Variants in NUDCD1 observed in about 807,000 individuals in gnomAD.
NUDCD1 encodes the protein nudC domain-containing protein 1.
A neutral mutation model predicts 67.8 loss-of-function variants in NUDCD1; 60 were observed. That is an observed-to-expected ratio of 0.88 (90% CI 0.72 to 1.10). The LOEUF is 1.10. Among genes scored for constraint, NUDCD1 ranks in the 50% least tolerant of loss-of-function variants. The pLI is 0.00. For missense variants in NUDCD1, 643 were observed against 695.0 expected (o/e 0.93, Z 0.84); for synonymous variants, 244 against 230.8 (o/e 1.06, Z -0.52).
rs762789253 is a variant in NUDCD1 at position 109,271,102 on chromosome 8, G to C, written c.1202C>G (p.Pro401Arg). 5.8e-5 allele frequency: 92 copies of C among 1,578,388 alleles called. No homozygotes were observed. The highest frequency in any genetic ancestry group is 7.5e-5 in the Non-Finnish European group (87 of 1,158,566). Residue 401 changes from proline (P) to arginine (R), a missense_variant, in exon 8 of 10, where the codon CCT becomes CGT. By Grantham distance (103) the Pro-to-Arg change is moderately radical. Coordinates refer to ENST00000239690, the MANE Select transcript of NUDCD1 (RefSeq NM_032869.4). ...TTCTTCTAACTCTTGAGCATTGCAA[G>C]GTGGTTTTTCTTTATCTGGATTTGG... ...LNPNPDKEKP[P>R]CNAQELEECD...
intron 2 of NUDCD1, among the ~76,000 whole-genome samples, chr8:109,300,893 G>A (rs900443309): frequency 1.3e-5 from 2 of 152,208 alleles, no homozygotes; most frequent in African/African-American, 4.8e-5. Flanking sequence ...CAGATTAACA[G>A]CAGATTTGTC....
At chr8:109,299,418 T>C (rs1008268188) in intron 2 of NUDCD1, among the ~76,000 whole-genome samples, 5 of 152,146 alleles carry the variant, frequency 3.3e-5, no homozygotes, top group African/African-American at 4.8e-5. Context: ...CAAAGGCATG[T>C]TGGGAGTGAG....
chr8:109,275,529 T>C lies in NUDCD1; in HGVS notation c.1029-33A>G, dbSNP rs754599562. The C allele has an allele frequency of 2.2e-5, 35 of 1,563,200 alleles. No homozygotes were observed. The South Asian group carries it at 3.8e-4, about 17-fold the overall frequency. ...TTTAAATGGGAAAAGTAATGTTACATTAAGCAATTATACAAATTATACAAT... is the reference window on the plus strand; with the variant it reads ...TTTAAATGGGAAAAGTAATGTTACACTAAGCAATTATACAAATTATACAAT... On this transcript the variant is annotated intron_variant, in intron 6 of 9. Transcript: ENST00000239690.
intron 8 of NUDCD1, among the ~76,000 whole-genome samples, chr8:109,249,273 A>G (rs146129184): frequency 6.6e-6 from 1 of 152,332 alleles, no homozygotes; most frequent in Non-Finnish European, 1.5e-5. Context: ...TTACCCTTCC[A>G]GCATTCTTAA....
Position 109,293,453 on chromosome 8 carries a change from T to C in NUDCD1, c.531A>G (p.Glu177=). The change falls in exon 4 of 10, where the codon GAA becomes GAG. Residue 177 remains glutamate, a synonymous_variant. Transcript: ENST00000239690. ...IHSISLLNAE[E]HSIATLLLRI... ...GAAGAAGTAGGGTAGCTATAGAATGTTCTTCAGCATTTAGCAGTGAGATAC... is the reference window on the plus strand; with the variant it reads ...GAAGAAGTAGGGTAGCTATAGAATGCTCTTCAGCATTTAGCAGTGAGATAC... The C allele has an allele frequency of 6.3e-7, 1 of 1,593,168 alleles. No homozygotes were observed. Among genetic ancestry groups the C allele is most frequent in the East Asian group, 2.3e-5 (1 of 43,920 alleles).
intron 5 of NUDCD1, among the ~76,000 whole-genome samples, chr8:109,282,106 G>A (rs1814456184): frequency 6.6e-6 from 1 of 152,098 alleles, no homozygotes; most frequent in African/African-American, 2.4e-5. Context: ...CTCCCTCAGC[G>A]CTGGTGTCCA....
At chr8:109,325,594 A>ACAAAGAAGGCCACACTGTT (rs1815662961) in intron 1 of NUDCD1, among the ~76,000 whole-genome samples, 1 of 152,252 alleles carries the variant, frequency 6.6e-6, no homozygotes, top group African/African-American at 2.4e-5. Flanking sequence ...TTCAAAGAAC[A>ACAAAGAAGGCCACACTGTT]CAAAGAAGGC....
chr8:109,320,948 C>T (rs1815519470), intron 2 of NUDCD1, among the ~76,000 whole-genome samples: 1 of 152,082 alleles, frequency 6.6e-6, no homozygotes, highest in Non-Finnish European at 1.5e-5. Flanking sequence ...AAAGACATTG[C>T]AGGGGAAATA....
chr8:109,311,559 G>GTGTGTGTATATATATATATATA lies in NUDCD1; in HGVS notation c.273+10749_273+10750insTATATATATATATATACACACA. On this transcript the variant is annotated intron_variant, in intron 2 of 9. Transcript: ENST00000239690. ...AATGAGTGGATAAAGAAACTGTGGT[G>GTGTGTGTATATATATATATATA]TATATATATATATGATGGGATACTG... 3.8e-4 allele frequency among the ~76,000 whole-genome samples: 48 copies of GTGTGTGTATATATATATATATA among 125,166 alleles called. 3 individuals carry two copies. The highest frequency in any genetic ancestry group is 1.3e-3 in the African/African-American group (38 of 28,758). The allele number at this position is 125,166 out of a possible 152,430, so 82.1% of individuals were successfully genotyped here.
chr8:109,259,616 T>C (rs1469140679), intron 8 of NUDCD1, among the ~76,000 whole-genome samples: 3 of 152,142 alleles, frequency 2.0e-5, no homozygotes, highest in Non-Finnish European at 4.4e-5. Flanking sequence ...AATGAGGAGC[T>C]GAAAAGGCAG....
intron 8 of NUDCD1, among the ~76,000 whole-genome samples, chr8:109,255,602 AGT>A (rs1813710068): frequency 6.6e-6 from 1 of 151,876 alleles, no homozygotes; most frequent in Admixed American, 6.6e-5. Context: ...TGACTATTCC[AGT>A]GGAGGATACA....
At chr8:109,315,921 A>G (rs912000528) in intron 2 of NUDCD1, 4 of 152,178 alleles carry the variant, frequency 2.6e-5, no homozygotes, top group African/African-American at 9.7e-5. Flanking sequence ...CTCCTCTAAC[A>G]AATAGTTGTA....
At chr8:109,286,055 CAATAATAAT>C (rs564517197) in intron 5 of NUDCD1, among the ~76,000 whole-genome samples, 4 of 151,266 alleles carry the variant, frequency 2.6e-5, no homozygotes, top group Non-Finnish European at 5.9e-5. Context: ...CTGTAGCTGC[CAATAATAAT>C]AATAATAATA....
chr8:109,298,211 A>G (rs138861335), intron 2 of NUDCD1, among the ~76,000 whole-genome samples: 1 of 152,340 alleles, frequency 6.6e-6, no homozygotes, highest in African/African-American at 2.4e-5. Context: ...AAACAGAATC[A>G]TACCAGCATA....
At position 109,242,101 on chromosome 8, in the gene NUDCD1, A is replaced by G. The variant is rs899920889; in HGVS notation, c.*908T>C. ...AAGATTGTTCCATCAATGGCCCCCA[A>G]TGAGTCATACCATCCGCTGTCAGCT... is the stretch of plus-strand genomic sequence containing the variant. On this transcript the variant is annotated 3_prime_UTR_variant, in exon 10 of 10. Coordinates refer to ENST00000239690, the MANE Select transcript of NUDCD1 (RefSeq NM_032869.4). 42 of 398,190 alleles carry G rather than the reference A, an allele frequency of 1.1e-4. No homozygotes were observed. The highest frequency in any genetic ancestry group is 6.6e-4 in the African/African-American group (32 of 48,736). 24.7% of individuals were successfully genotyped at this position (398,190 alleles called of 1,614,324 possible).
rs368334664 is a variant in NUDCD1 at position 109,270,967 on chromosome 8, C to T, written c.1299+38G>A. 2.1e-6 allele frequency: 3 copies of T among 1,405,294 alleles called. No homozygotes were observed. In the African/African-American group the frequency reaches 4.3e-5, roughly 20 times the overall value. The allele number at this position is 1,405,294 out of a possible 1,614,324, so 87.1% of individuals were successfully genotyped here. ...AGACCAATCATTATCTGAGTAACTA[C>T]TGACAAAATTTTAGAAATATTAATA... On this transcript the variant is annotated intron_variant, in intron 8 of 9. Transcript: ENST00000239690.
intron 2 of NUDCD1, among the ~76,000 whole-genome samples, chr8:109,317,536 A>G (rs1471417598): frequency 6.6e-6 from 1 of 152,196 alleles, no homozygotes; most frequent in Non-Finnish European, 1.5e-5. Context: ...ATATTATCCT[A>G]TGAGAAAGGA....
intron 3 of NUDCD1, among the ~76,000 whole-genome samples, chr8:109,294,832 C>G (rs1449140769): frequency 6.6e-6 from 1 of 152,020 alleles, no homozygotes; most frequent in Non-Finnish European, 1.5e-5. Context: ...CCCCTTACCC[C>G]CCACCATGCT....
chr8:109,313,244 C>T (rs144563090), intron 2 of NUDCD1, among the ~76,000 whole-genome samples: 27 of 152,246 alleles, frequency 1.8e-4, no homozygotes, highest in African/African-American at 6.5e-4. Flanking sequence ...GTCTGGAGAG[C>T]ATTGGCAGGC....
Sources: allele counts gnomAD v4.1 joint callset (sites outside exome capture counted in the v4.1 genomes callset), GRCh38; gene constraint gnomAD v4.1.1; transcripts MANE v1.5; gene names NCBI Gene and HGNC (gene_info 2026-07-23, HGNC 2026-07-21).